CACNA2D3: variants seen among roughly 807,000 people sequenced by gnomAD.
CACNA2D3 encodes the protein calcium voltage-gated channel auxiliary subunit alpha2delta 3.
In CACNA2D3, 60 loss-of-function variants were observed where a neutral mutation model predicts 160.6. The observed-to-expected ratio is 0.37, with a 90% confidence interval of 0.30 to 0.46. CACNA2D3 has a LOEUF of 0.46. CACNA2D3 is among the 20% of genes least tolerant of loss of function. The pLI is 1.00. For missense variants in CACNA2D3, 1,205 were observed against 1,365.0 expected (o/e 0.88, Z 1.85); for synonymous variants, 558 against 492.9 (o/e 1.13, Z -1.75).
chr3:54,628,028 C>G lies in CACNA2D3; in HGVS notation c.1053+152C>G, dbSNP rs906067192. Reference sequence around the variant, plus strand: ...TGGGCGGATCATGAGGTCAGGAGATCCAGACCATCCTGGCTAACACGGTGA... The same window carrying G: ...TGGGCGGATCATGAGGTCAGGAGATGCAGACCATCCTGGCTAACACGGTGA... On this transcript the variant is annotated intron_variant, in intron 10 of 37. Transcript: ENST00000474759. Among the ~76,000 whole-genome samples, 8 of 152,132 alleles carry G rather than the reference C, an allele frequency of 5.3e-5. No individual in the cohort carries two copies. In the South Asian group the frequency reaches 6.2e-4, roughly 12 times the overall value.
intron 4 of CACNA2D3, among the ~76,000 whole-genome samples, chr3:54,483,724 A>G (rs1217763825): frequency 6.6e-6 from 1 of 152,106 alleles, no homozygotes; most frequent in Non-Finnish European, 1.5e-5. Context: ...TTGTTGCAAA[A>G]CCCATAAGGA....
intron 2 of CACNA2D3, among the ~76,000 whole-genome samples, chr3:54,184,925 C>A (rs1700854589): frequency 6.6e-6 from 1 of 152,142 alleles, no homozygotes; most frequent in Non-Finnish European, 1.5e-5. Context: ...TCTTAGTGAC[C>A]AGGGACGTAG....
At chr3:54,247,333 T>G (rs200850608) in intron 2 of CACNA2D3, among the ~76,000 whole-genome samples, 6 of 67,492 alleles carry the variant, frequency 8.9e-5, no homozygotes, top group Non-Finnish European at 1.5e-4. Context: ...AACAAACAAA[T>G]AAATAAAACC....
intron 4 of CACNA2D3, among the ~76,000 whole-genome samples, chr3:54,436,495 A>G (rs1700061831): frequency 6.6e-6 from 1 of 152,238 alleles, no homozygotes; most frequent in Non-Finnish European, 1.5e-5. Context: ...TTATTGCAGC[A>G]CTATTTACAA....
rs1247258330 is a variant in CACNA2D3, at chr3:54,455,634, C to A, written c.382-47858C>A. On this transcript the variant is annotated intron_variant, in intron 4 of 37. Coordinates refer to ENST00000474759, the MANE Select transcript of CACNA2D3 (RefSeq NM_018398.3). Reference sequence around the variant, plus strand: ...TTGTCTGTGCTTTTAAGGTCTTTGCCATAAAATCTTTGCCAGATCAATGTC... The same window carrying A: ...TTGTCTGTGCTTTTAAGGTCTTTGCAATAAAATCTTTGCCAGATCAATGTC... 8.6e-5 allele frequency among the ~76,000 whole-genome samples: 13 copies of A among 151,980 alleles called. No homozygotes were observed. The East Asian group carries it at 2.5e-3, about 29-fold the overall frequency.
chr3:54,763,767 A>ACG lies in CACNA2D3; in HGVS notation c.1247-451_1247-450insCG, dbSNP rs1194284799. ...TATGTGCATATATATACACATATAT[A>ACG]TGTATATATGTACATATATATGTAT... On this transcript the variant is annotated intron_variant, in intron 12 of 37. Coordinates refer to ENST00000474759, the MANE Select transcript of CACNA2D3 (RefSeq NM_018398.3). 2.5e-3 allele frequency among the ~76,000 whole-genome samples: 43 copies of ACG among 17,160 alleles called. 9 individuals carry two copies. The highest frequency in any genetic ancestry group is 9.5e-3 in the Admixed American group (10 of 1,050). The allele number at this position is 17,160 out of a possible 152,430, so 11.3% of individuals were successfully genotyped here.
Position 55,074,481 on chromosome 3 carries a change from G to A in CACNA2D3, c.*275G>A. On this transcript the variant is annotated 3_prime_UTR_variant, in exon 38 of 38. Transcript: ENST00000474759. ...GAAATGGGACCGCAAGTGGTAGGCA[G>A]TGTCCCTTCTGCTTGAAACCTATTG... 1 of 441,678 alleles carries A rather than the reference G, an allele frequency of 2.3e-6. No homozygotes were observed. Among genetic ancestry groups the A allele is most frequent in the Non-Finnish European group, 4.1e-6 (1 of 245,236 alleles). The allele number at this position is 441,678 out of a possible 1,614,324, so 27.4% of individuals were successfully genotyped here.
At chr3:54,465,985 G>C (rs556798172) in intron 4 of CACNA2D3, among the ~76,000 whole-genome samples, 1 of 152,096 alleles carries the variant, frequency 6.6e-6, no homozygotes, top group Non-Finnish European at 1.5e-5. Context: ...CTGCCTTGCT[G>C]GTTGTCCTTG....
At chr3:54,626,705 A>T in intron 9 of CACNA2D3, 1 of 716,620 alleles carries the variant, frequency 1.4e-6, no homozygotes, top group South Asian at 1.7e-5. Context: ...AAAAAAAAAA[A>T]AAAAGAAAGA....
At chr3:54,735,211 C>T (rs1422188119) in intron 11 of CACNA2D3, among the ~76,000 whole-genome samples, 1 of 152,200 alleles carries the variant, frequency 6.6e-6, no homozygotes, top group African/African-American at 2.4e-5. Context: ...TAGTGGATTC[C>T]CCTAGCACTT....
intron 5 of CACNA2D3, among the ~76,000 whole-genome samples, chr3:54,510,175 T>G (rs1293864814): frequency 1.3e-5 from 2 of 150,814 alleles, no homozygotes; most frequent in Admixed American, 1.3e-4. Flanking sequence ...GGTGGGTGAG[T>G]GAGTGGAGGG....
chr3:54,391,076 C>T (rs886728517), intron 4 of CACNA2D3, among the ~76,000 whole-genome samples: 9 of 152,142 alleles, frequency 5.9e-5, no homozygotes, highest in African/African-American at 2.2e-4. Context: ...TAGCTTCCGT[C>T]TTCCCAAAAC....
At chr3:54,197,002 C>T (rs1018370346) in intron 2 of CACNA2D3, among the ~76,000 whole-genome samples, 2 of 152,150 alleles carry the variant, frequency 1.3e-5, no homozygotes, top group Non-Finnish European at 2.9e-5. Flanking sequence ...TATAATAGGA[C>T]TTTTAGTAAA....
intron 11 of CACNA2D3, among the ~76,000 whole-genome samples, chr3:54,689,856 T>C (rs1348413549): frequency 6.6e-6 from 1 of 152,144 alleles, no homozygotes; most frequent in Non-Finnish European, 1.5e-5. Context: ...AGTGATTTGT[T>C]TAAAATGCAT....
At chr3:54,891,688 C>A (rs1700072150) in intron 25 of CACNA2D3, among the ~76,000 whole-genome samples, 2 of 152,308 alleles carry the variant, frequency 1.3e-5, no homozygotes, top group South Asian at 4.1e-4. Context: ...GTCCACTGTC[C>A]TGGAGTCCTC....
chr3:54,399,900 T>G lies in CACNA2D3; in HGVS notation c.381+13126T>G, dbSNP rs1200824431. 1.6e-5 allele frequency among the ~76,000 whole-genome samples: 2 copies of G among 123,406 alleles called. 1 individual carries two copies. The highest frequency in any genetic ancestry group is 3.4e-5 in the Non-Finnish European group (2 of 58,276). 81.0% of individuals were successfully genotyped at this position (123,406 alleles called of 152,430 possible). On this transcript the variant is annotated intron_variant, in intron 4 of 37. Coordinates refer to ENST00000474759, the MANE Select transcript of CACNA2D3 (RefSeq NM_018398.3). ...AATGGCGGGCGCCCCTCCCCCAGCC[T>G]CGTTGCCGCCTTGCAGTTTGATCTC... is the stretch of plus-strand genomic sequence containing the variant.
At chr3:54,653,553 C>G (rs1334209650) in intron 11 of CACNA2D3, among the ~76,000 whole-genome samples, 7 of 152,200 alleles carry the variant, frequency 4.6e-5, no homozygotes, top group Non-Finnish European at 1.5e-5. Context: ...GGGGTGAGAG[C>G]TCACGCAGGC....
intron 13 of CACNA2D3, among the ~76,000 whole-genome samples, chr3:54,775,710 C>T (rs376182278): frequency 3.3e-5 from 5 of 152,110 alleles, no homozygotes; most frequent in African/African-American, 7.2e-5. Flanking sequence ...TATCATATTT[C>T]GGCCTTATTT....
chr3:54,360,816 A>G (rs564976551), intron 3 of CACNA2D3, among the ~76,000 whole-genome samples: 1 of 152,058 alleles, frequency 6.6e-6, no homozygotes, highest in East Asian at 1.9e-4. Flanking sequence ...GGGCCATTCA[A>G]CCCCATCACT....
Sources: gnomAD v4.1 joint callset for allele counts (sites outside exome capture counted in the v4.1 genomes callset) on GRCh38, gnomAD v4.1.1 for gene constraint, MANE v1.5 for transcripts, NCBI Gene and HGNC (gene_info 2026-07-23, HGNC 2026-07-21) for gene names.